FBN2: variants seen among roughly 807,000 people sequenced by gnomAD.
The protein encoded by FBN2 is fibrillin-2.
In FBN2, 105 loss-of-function variants were observed where a neutral mutation model predicts 355.6. That is an observed-to-expected ratio of 0.30 (90% CI 0.25 to 0.35). The LOEUF (loss-of-function observed/expected upper bound fraction) is 0.35, where lower values mean the gene tolerates loss of function less well. Among genes scored for constraint, FBN2 ranks in the 10% least tolerant of loss-of-function variants. FBN2 has a pLI of 1.00. For missense variants in FBN2, 3,280 were observed against 3,758.7 expected (o/e 0.87, Z 3.33); for synonymous variants, 1,350 against 1,301.2 (o/e 1.04, Z -0.81).
At chr5:128,288,837 C>T (rs910138813) in intron 52 of FBN2, among the ~76,000 whole-genome samples, 3 of 152,186 alleles carry the variant, frequency 2.0e-5, no homozygotes, top group African/African-American at 7.2e-5. Flanking sequence ...CATGGAAGGG[C>T]ATAAAGTAAA....
At chr5:128,342,266 A>G (rs1222923119) in intron 25 of FBN2, among the ~76,000 whole-genome samples, 1 of 152,142 alleles carries the variant, frequency 6.6e-6, no homozygotes, top group Non-Finnish European at 1.5e-5. Flanking sequence ...CATCATCTGC[A>G]TAGAAGGATG....
At position 128,258,969 on chromosome 5, in the gene FBN2, G is replaced by C. The variant is rs1764887841; in HGVS notation, c.*486C>G. 6.3e-6 allele frequency: 1 copy of C among 157,866 alleles called. No homozygotes were observed. Among genetic ancestry groups the C allele is most frequent in the South Asian group, 1.8e-4 (1 of 5,502 alleles). The allele number at this position is 157,866 out of a possible 1,614,324, so 9.8% of individuals were successfully genotyped here. A position where few individuals can be genotyped will look rare whatever the true frequency, so the allele number is the denominator to read the frequency against. Reference sequence around the variant, plus strand: ...TTAAAAAGCACCTCTAAAAAAAATAGCTCAAATTTATAAATCTAAAGAAAA... The same window carrying C: ...TTAAAAAGCACCTCTAAAAAAAATACCTCAAATTTATAAATCTAAAGAAAA... On this transcript the variant is annotated 3_prime_UTR_variant, in exon 65 of 65. Transcript: ENST00000262464.
At chr5:128,487,735 C>A (rs1361720917) in intron 5 of FBN2, among the ~76,000 whole-genome samples, 1 of 152,042 alleles carries the variant, frequency 6.6e-6, no homozygotes, top group Non-Finnish European at 1.5e-5. Context: ...TTTTAATACA[C>A]AAACATGCCT....
chr5:128,374,609 T>C lies in FBN2; in HGVS notation c.2095+19A>G. On this transcript the variant is annotated intron_variant, in intron 15 of 64. Transcript: ENST00000262464. ...AGATCATTTTGCACAGTGGGGCCAT[T>C]ATAAAATGTTTCACTTACCAACACA... 6.2e-7 allele frequency: 1 copy of C among 1,613,812 alleles called. No homozygotes were observed. The highest frequency in any genetic ancestry group is 8.5e-7 in the Non-Finnish European group (1 of 1,179,778).
In FBN2 at chr5:128,261,843, C is replaced by T. The variant is rs146781484; in HGVS notation, c.8257G>A (p.Glu2753Lys). 5.0e-4 allele frequency: 813 copies of T among 1,614,032 alleles called. 1 individual carries two copies. The highest frequency in any genetic ancestry group is 5.8e-4 in the Non-Finnish European group (684 of 1,179,862). The change falls in exon 64 of 65, where the codon GAG (glutamate) becomes AAG (lysine). Residue 2753 changes from glutamate to lysine, a missense_variant. Physicochemically the swap from Glu to Lys is moderately conservative, Grantham distance 56 (BLOSUM62 1). Around this residue, in one of 6 missense-constraint regions of FBN2, gnomAD observed 311 missense variants for 319.1 expected, o/e 0.97. Transcript: ENST00000262464. The stretch of plus-strand genomic sequence containing the variant: ...GCTTCTGGGGACAGAGCATTTTCCT[C>T]ATCGACCTCTGTATCCAGTGACAGG... ...QYLSLDTEVD[E>K]ENALSPEACY... is the part of the protein sequence containing the mutation.
intron 5 of FBN2, among the ~76,000 whole-genome samples, chr5:128,512,356 A>C (rs947557092): frequency 6.6e-6 from 1 of 152,040 alleles, no homozygotes; most frequent in African/African-American, 2.4e-5. Flanking sequence ...TATTAAAAGT[A>C]CAAAAATATT....
intron 58 of FBN2, 34 bp from the exon 59 acceptor site, chr5:128,276,194 G>C (rs1401249835): frequency 6.2e-7 from 1 of 1,608,950 alleles, no homozygotes. Flanking sequence ...TAAATTACTG[G>C]TTAAAAGAAA....
intron 40 of FBN2, 44 bp from the exon 41 acceptor site, chr5:128,309,443 G>A (rs1045322801): frequency 3.8e-6 from 6 of 1,575,502 alleles, no homozygotes; most frequent in Non-Finnish European, 4.4e-6. Flanking sequence ...GTATCCACGA[G>A]TAGTTTATAA....
At chr5:128,428,283 T>C (rs973616576) in intron 7 of FBN2, among the ~76,000 whole-genome samples, 2 of 152,160 alleles carry the variant, frequency 1.3e-5, no homozygotes, top group Non-Finnish European at 2.9e-5. Context: ...TTATACTTCT[T>C]AACTGAAAAG....
chr5:128,273,869 G>A lies in FBN2; in HGVS notation c.7811C>T (p.Ser2604Phe). ...SFSCECQRGF[S>F]LDATGLNCED... ...ACAGTTCAGTCCGGTGGCATCAAGAGAGAACCCTCTTTGGCATTCACAGCT... is the reference window on the plus strand; with the variant it reads ...ACAGTTCAGTCCGGTGGCATCAAGAAAGAACCCTCTTTGGCATTCACAGCT... The change falls in exon 61 of 65, where the codon TCT becomes TTT. Residue 2604 changes from serine to phenylalanine, a missense_variant. Ser to Phe is a radical substitution (Grantham distance 155, BLOSUM62 -2). Coordinates refer to ENST00000262464, the MANE Select transcript of FBN2 (RefSeq NM_001999.4). 1 of 1,613,924 alleles carries A rather than the reference G, an allele frequency of 6.2e-7. No individual in the cohort carries two copies. The highest frequency in any genetic ancestry group is 1.1e-5 in the South Asian group (1 of 91,078).
At chr5:128,536,327 G>A (rs1756845149) in intron 2 of FBN2, 75 bp downstream of exon 2, 2 of 1,119,992 alleles carry the variant, frequency 1.8e-6, no homozygotes, top group African/African-American at 3.1e-5. Flanking sequence ...GCGTCCAAAT[G>A]GCTGAGTGCA....
intron 27 of FBN2, among the ~76,000 whole-genome samples, chr5:128,336,510 T>C (rs1051650072): frequency 6.6e-6 from 1 of 152,236 alleles, no homozygotes; most frequent in Non-Finnish European, 1.5e-5. Context: ...AGCTAAATAC[T>C]ACTTAATATA....
intron 55 of FBN2, among the ~76,000 whole-genome samples, chr5:128,282,007 GC>G (rs1282766433): frequency 1.3e-5 from 2 of 152,036 alleles, no homozygotes; most frequent in African/African-American, 4.8e-5. Flanking sequence ...ATTTAAGAGG[GC>G]TATAAGTATT....
chr5:128,290,363 T>G (rs1167895965), intron 50 of FBN2, among the ~76,000 whole-genome samples: 1 of 152,212 alleles, frequency 6.6e-6, no homozygotes, highest in Non-Finnish European at 1.5e-5. Context: ...GAATTTAATG[T>G]AACATTCTGA....
intron 8 of FBN2, among the ~76,000 whole-genome samples, chr5:128,401,824 G>T (rs1177762418): frequency 6.6e-6 from 1 of 152,104 alleles, no homozygotes; most frequent in Non-Finnish European, 1.5e-5. Context: ...TACACAGTTT[G>T]GAAACCTCTG....
Position 128,261,916 on chromosome 5 carries a change from A to C in FBN2, c.8193-9T>G, listed in dbSNP as rs778689749. On this transcript the variant is annotated splice_polypyrimidine_tract_variant and intron_variant, in intron 63 of 64. Coordinates refer to ENST00000262464, the MANE Select transcript of FBN2 (RefSeq NM_001999.4). ...TTCCTGAGACACAGTGGCTATTTGCAAAAAGCAAAGTATTGTTAGACTTTA... is the reference window on the plus strand; with the variant it reads ...TTCCTGAGACACAGTGGCTATTTGCCAAAAGCAAAGTATTGTTAGACTTTA... 2 of 1,613,030 alleles carry C rather than the reference A, an allele frequency of 1.2e-6. No individual in the cohort carries two copies. The highest frequency in any genetic ancestry group is 1.7e-6 in the Non-Finnish European group (2 of 1,178,962).
chr5:128,395,375 A>G (rs1752621165), intron 8 of FBN2, 101 bp from the exon 9 acceptor site: 2 of 1,223,448 alleles, frequency 1.6e-6, no homozygotes, highest in African/African-American at 1.5e-5. Flanking sequence ...GACTCATACC[A>G]CTTAATCTCT....
At chr5:128,448,493 G>T (rs1754136051) in intron 6 of FBN2, among the ~76,000 whole-genome samples, 1 of 151,866 alleles carries the variant, frequency 6.6e-6, no homozygotes, top group South Asian at 2.1e-4. Context: ...TTTTAGTAGA[G>T]ATGGGGTTTC....
chr5:128,425,122 T>C (rs748103467), intron 7 of FBN2, among the ~76,000 whole-genome samples: 3 of 151,966 alleles, frequency 2.0e-5, no homozygotes, highest in Non-Finnish European at 4.4e-5. Context: ...TAAGACACAT[T>C]AGGACAAACT....
Sources: allele counts gnomAD v4.1 joint callset (sites outside exome capture counted in the v4.1 genomes callset), GRCh38; gene constraint gnomAD v4.1.1; regional missense constraint gnomAD v4.1.1; transcripts MANE v1.5; gene names NCBI Gene and HGNC (gene_info 2026-07-23, HGNC 2026-07-21).